SH2D4A: variants seen among roughly 807,000 people sequenced by gnomAD.
SH2D4A encodes SH2 domain-containing protein 4A.
Under a neutral mutation model 64.7 loss-of-function variants are expected in SH2D4A, and 70 were observed. That is an observed-to-expected ratio of 1.08 (90% CI 0.89 to 1.32). The LOEUF is 1.32. SH2D4A is among the 40% of genes most tolerant of loss of function. The pLI, the probability that SH2D4A is intolerant of heterozygous loss-of-function variation, is 0.00. For missense variants in SH2D4A, 706 were observed against 540.1 expected (o/e 1.31, Z -3.04); for synonymous variants, 268 against 200.7 (o/e 1.34, Z -2.83).
chr8:19,313,970 C>G (rs1017953327), intron 1 of SH2D4A, 147 bp downstream of exon 1: 1 of 1,255,454 alleles, frequency 8.0e-7, no homozygotes, highest in African/African-American at 1.6e-5. Context: ...CGCCTCCACC[C>G]CTTCGCGGCG....
At chr8:19,351,028 A>G (rs2052695779) in intron 4 of SH2D4A, among the ~76,000 whole-genome samples, 1 of 152,130 alleles carries the variant, frequency 6.6e-6, no homozygotes, top group African/African-American at 2.4e-5. Flanking sequence ...CTGTTAGTCT[A>G]CTTGGCCTTA....
intron 4 of SH2D4A, among the ~76,000 whole-genome samples, chr8:19,345,633 A>T (rs748189009): frequency 1.3e-5 from 2 of 152,228 alleles, no homozygotes; most frequent in Non-Finnish European, 2.9e-5. Flanking sequence ...GACTCAAAAC[A>T]TATCTTTTGG....
intron 2 of SH2D4A, among the ~76,000 whole-genome samples, chr8:19,328,636 G>C (rs937048364): frequency 6.6e-6 from 1 of 151,984 alleles, no homozygotes; most frequent in African/African-American, 2.4e-5. Flanking sequence ...TGCCACCCTG[G>C]TCCATCCTGT....
chr8:19,317,013 T>C (rs1241184116), intron 1 of SH2D4A, among the ~76,000 whole-genome samples: 1 of 152,194 alleles, frequency 6.6e-6, no homozygotes, highest in Non-Finnish European at 1.5e-5. Flanking sequence ...TTTGACACTT[T>C]AAGGGTTTTA....
chr8:19,320,053 C>T (rs953735077), intron 2 of SH2D4A, among the ~76,000 whole-genome samples: 1 of 152,126 alleles, frequency 6.6e-6, no homozygotes, highest in Non-Finnish European at 1.5e-5. Flanking sequence ...TTACTGGTTC[C>T]TAATATGCTA....
rs17128349 is a variant in SH2D4A at position 19,394,662 on chromosome 8, C to T, written c.*20C>T. The T allele has an allele frequency of 1.2e-3, 1,889 of 1,575,968 alleles. 17 individuals carry two copies. The African/African-American group carries it at 0.023, about 19-fold the overall frequency. On this transcript the variant is annotated 3_prime_UTR_variant, in exon 10 of 10. Coordinates refer to ENST00000265807, the MANE Select transcript of SH2D4A (RefSeq NM_022071.4). ...GAGTGACAGCCTCCATCAGGGTCAT[C>T]CTACAGCCTCCAAGCGGGCTTTCCC...
At chr8:19,349,404 A>C (rs2052662421) in intron 4 of SH2D4A, among the ~76,000 whole-genome samples, 1 of 152,228 alleles carries the variant, frequency 6.6e-6, no homozygotes, top group African/African-American at 2.4e-5. Flanking sequence ...AAAATTTCTA[A>C]AATAAAAAGA....
At chr8:19,372,746 G>A (rs958890551) in intron 7 of SH2D4A, among the ~76,000 whole-genome samples, 3 of 152,070 alleles carry the variant, frequency 2.0e-5, no homozygotes, top group Admixed American at 6.6e-5. Flanking sequence ...TAGAACTTAG[G>A]TTCTGCTACT....
intron 2 of SH2D4A, among the ~76,000 whole-genome samples, chr8:19,320,809 T>C (rs778903455): frequency 3.9e-4 from 59 of 152,160 alleles, no homozygotes; most frequent in Non-Finnish European, 7.6e-4. Flanking sequence ...TCAAGGTCAC[T>C]TGCAGAGGCA....
chr8:19,333,318 C>A (rs2052393253), intron 3 of SH2D4A, among the ~76,000 whole-genome samples: 1 of 152,072 alleles, frequency 6.6e-6, no homozygotes, highest in African/African-American at 2.4e-5. Flanking sequence ...TTGATTTAGA[C>A]TTTTGATCTA....
At chr8:19,352,531 T>C (rs572696157) in intron 4 of SH2D4A, among the ~76,000 whole-genome samples, 1 of 152,342 alleles carries the variant, frequency 6.6e-6, no homozygotes, top group South Asian at 2.1e-4. Context: ...AAGATTGCTT[T>C]AACTCTGCTC....
chr8:19,364,340 G>T, intron 7 of SH2D4A, 58 bp downstream of exon 7: 1 of 1,580,266 alleles, frequency 6.3e-7, no homozygotes, highest in Non-Finnish European at 8.7e-7. Flanking sequence ...TTGAATAAGC[G>T]TTGAAATTAA....
intron 8 of SH2D4A, chr8:19,375,532 G>C (rs1232550581): frequency 6.6e-6 from 1 of 152,228 alleles, no homozygotes; most frequent in Non-Finnish European, 1.5e-5. Context: ...ATGTGAGTGG[G>C]TAGGAGAGGA....
At chr8:19,345,380 T>G (rs2052597198) in intron 4 of SH2D4A, among the ~76,000 whole-genome samples, 1 of 152,198 alleles carries the variant, frequency 6.6e-6, no homozygotes, top group African/African-American at 2.4e-5. Context: ...AGAAAGAATG[T>G]TTTTTCTTAT....
intron 6 of SH2D4A, among the ~76,000 whole-genome samples, chr8:19,362,418 TATG>T (rs2052906546): frequency 6.6e-6 from 1 of 152,166 alleles, no homozygotes; most frequent in African/African-American, 2.4e-5. Context: ...TCATGCGCTG[TATG>T]ATGTTTTGGT....
intron 4 of SH2D4A, among the ~76,000 whole-genome samples, chr8:19,340,774 T>A (rs2052517647): frequency 6.6e-6 from 1 of 151,896 alleles, no homozygotes; most frequent in Non-Finnish European, 1.5e-5. Flanking sequence ...GTTTTTAAAC[T>A]TTTGGTAGAA....
intron 2 of SH2D4A, among the ~76,000 whole-genome samples, chr8:19,330,164 A>T (rs75750737): frequency 6.6e-6 from 1 of 152,142 alleles, no homozygotes; most frequent in Non-Finnish European, 1.5e-5. Flanking sequence ...ATGAACTACT[A>T]CGAAGGCCTT....
intron 1 of SH2D4A, among the ~76,000 whole-genome samples, chr8:19,314,794 C>G (rs1010869870): frequency 6.6e-6 from 1 of 152,194 alleles, no homozygotes; most frequent in African/African-American, 2.4e-5. Context: ...TATACTAAAT[C>G]TGTGTGTACA....
chr8:19,391,562 C>T (rs1464997392), intron 8 of SH2D4A, among the ~76,000 whole-genome samples: 1 of 152,194 alleles, frequency 6.6e-6, no homozygotes, highest in Non-Finnish European at 1.5e-5. Flanking sequence ...CTGGCCTTTT[C>T]ACCCACTCCC....
Sources: allele counts gnomAD v4.1 joint callset (sites outside exome capture counted in the v4.1 genomes callset), GRCh38; gene constraint gnomAD v4.1.1; transcripts MANE v1.5; gene names NCBI Gene and HGNC (gene_info 2026-07-23, HGNC 2026-07-21).